SMG1: variants seen among roughly 807,000 people sequenced by gnomAD.
SMG1 encodes SMG1 nonsense mediated mRNA decay associated PI3K related kinase, also known as serine/threonine-protein kinase SMG1.
SMG1 carries 22 observed loss-of-function variants against 419.9 expected under a neutral mutation model. That is an observed-to-expected ratio of 0.05 (90% CI 0.04 to 0.07). The LOEUF (loss-of-function observed/expected upper bound fraction) is 0.07, where lower values mean the gene tolerates loss of function less well. SMG1 is among the 10% of genes least tolerant of loss of function. SMG1 has a pLI of 1.00. For synonymous variants in SMG1, 1,538 were observed against 1,553.5 expected (o/e 0.99, Z 0.23); for missense variants, 3,185 against 4,342.0 (o/e 0.73, Z 7.49).
At chr16:18,845,697 A>C (rs1383704002) in intron 38 of SMG1, 46 bp from the exon 39 acceptor site, 1 of 1,413,072 alleles carries the variant, frequency 7.1e-7, no homozygotes, top group South Asian at 1.2e-5. Flanking sequence ...TGTGTACATT[A>C]AAGTTTTACA....
At chr16:18,843,628 C>T (rs547482747) in intron 39 of SMG1, among the ~76,000 whole-genome samples, 13 of 152,234 alleles carry the variant, frequency 8.5e-5, no homozygotes, top group African/African-American at 3.1e-4. Flanking sequence ...GCTACACAAA[C>T]ACACACACAA....
intron 1 of SMG1, among the ~76,000 whole-genome samples, chr16:18,919,489 T>C (rs1166025983): frequency 6.6e-6 from 1 of 151,666 alleles, no homozygotes; most frequent in Admixed American, 6.6e-5. Context: ...CCAGGCATCA[T>C]AGCGGGCACC....
chr16:18,880,721 A>AAAG (rs760136125), intron 10 of SMG1, among the ~76,000 whole-genome samples: 2 of 63,922 alleles, frequency 3.1e-5, no homozygotes, highest in African/African-American at 1.3e-4. Flanking sequence ...CAAAAAAAAA[A>AAAG]GGGGGGGGGC....
At chr16:18,839,522 C>T (rs897173219) in intron 42 of SMG1, among the ~76,000 whole-genome samples, 176 bp downstream of exon 42, 5 of 152,124 alleles carry the variant, frequency 3.3e-5, no homozygotes, top group South Asian at 2.1e-4. Context: ...ATCCTGCCCT[C>T]GGACACAGTC....
rs961661860 is a variant in SMG1, at chr16:18,811,964, G to A, written c.10785C>T (p.Asp3595=). ...VACSPKKAVR[D]PKTGKAVQER... Reference sequence around the variant, plus strand: ...ACTAATTACCTTTCCCAGTTTTAGGGTCTCTGACTGCCTTTTTAGGACTAC... The same window carrying A: ...ACTAATTACCTTTCCCAGTTTTAGGATCTCTGACTGCCTTTTTAGGACTAC... Residue 3595 remains aspartate (D), a synonymous_variant, in exon 61 of 63, where the codon GAC becomes GAT. Coordinates refer to ENST00000446231, the MANE Select transcript of SMG1 (RefSeq NM_015092.5). The A allele has an allele frequency of 1.2e-6, 2 of 1,613,798 alleles. No homozygotes were observed. The highest frequency in any genetic ancestry group is 8.5e-7 in the Non-Finnish European group (1 of 1,179,836).
intron 30 of SMG1, 41 bp from the exon 31 acceptor site, chr16:18,853,908 G>A: frequency 1.3e-6 from 2 of 1,539,994 alleles, no homozygotes; most frequent in African/African-American, 2.7e-5. Flanking sequence ...ACCTTTAAAA[G>A]CAAATGATGG....
intron 57 of SMG1, 41 bp from the exon 58 acceptor site, chr16:18,816,570 G>A: frequency 6.6e-7 from 1 of 1,522,662 alleles, no homozygotes; most frequent in Non-Finnish European, 9.0e-7. Flanking sequence ...AGTATCAGCT[G>A]AAATAATGAG....
In SMG1 at chr16:18,867,472, C is replaced by T. The variant is rs151185907; in HGVS notation, c.3196-697G>A. Among the ~76,000 whole-genome samples the T allele has an allele frequency of 8.2e-3, 1,243 of 151,012 alleles. 20 individuals are homozygous for T. Among genetic ancestry groups the T allele is most frequent in the African/African-American group, 0.029 (1,173 of 41,094 alleles). On this transcript the variant is annotated intron_variant, in intron 22 of 62. Coordinates refer to ENST00000446231, the MANE Select transcript of SMG1 (RefSeq NM_015092.5). ...CTGAGAGGCAGAGGTTACAGTGAGC[C>T]GAGATCGCACAACTGCACTCCAGCC...
At chr16:18,919,659 C>CAT (rs1205606055) in intron 1 of SMG1, among the ~76,000 whole-genome samples, 434 of 8,030 alleles carry the variant, frequency 0.054, 8 homozygotes, top group Middle Eastern at 0.14. Context: ...TGTATATATA[C>CAT]ACACACACAC....
chr16:18,829,875 T>C, intron 53 of SMG1, 51 bp downstream of exon 53: 1 of 1,460,966 alleles, frequency 6.8e-7, no homozygotes, highest in Non-Finnish European at 9.1e-7. Context: ...TCCTGCCCCC[T>C]TCCATAGTGC....
rs901048126 is a variant in SMG1 at position 18,807,189 on chromosome 16, C to T, written c.*2380G>A. The T allele has an allele frequency of 1.3e-5, 2 of 152,216 alleles. No homozygotes were observed. Among genetic ancestry groups the T allele is most frequent in the African/African-American group, 2.4e-5 (1 of 41,462 alleles). The allele number at this position is 152,216 out of a possible 1,614,324, so 9.4% of individuals were successfully genotyped here. A position where few individuals can be genotyped will look rare whatever the true frequency, so the allele number is the denominator to read the frequency against. ...CAGGCAATAAAATTCACCTATTTAT[C>T]TTCTTTACCAAAGAGAAAGCAATTT... On this transcript the variant is annotated 3_prime_UTR_variant, in exon 63 of 63. Coordinates refer to ENST00000446231, the MANE Select transcript of SMG1 (RefSeq NM_015092.5).
chr16:18,918,669 C>G (rs2038070904), intron 1 of SMG1, among the ~76,000 whole-genome samples: 1 of 151,822 alleles, frequency 6.6e-6, no homozygotes, highest in Admixed American at 6.6e-5. Flanking sequence ...CTGCCTCAGC[C>G]TCCCAAGTAG....
At chr16:18,878,727 GC>G (rs2036255935) in intron 11 of SMG1, 1 of 152,120 alleles carries the variant, frequency 6.6e-6, no homozygotes, top group South Asian at 2.1e-4. Flanking sequence ...AAAAATAGAG[GC>G]CTGGTAGAGT....
At chr16:18,863,074 C>G (rs141052814) in intron 25 of SMG1, among the ~76,000 whole-genome samples, 1 of 152,304 alleles carries the variant, frequency 6.6e-6, no homozygotes, top group African/African-American at 2.4e-5. Flanking sequence ...TTATGTGCTG[C>G]CTGGGTCATA....
chr16:18,864,073 C>G lies in SMG1; in HGVS notation c.3422G>C (p.Ser1141Thr). The change falls in exon 24 of 63, where the codon AGC (serine) becomes ACC (threonine). Residue 1141 changes from serine to threonine, a missense_variant. Ser to Thr is a moderately conservative substitution (Grantham distance 58). Around this residue, in one of 27 missense-constraint regions of SMG1, gnomAD observed 121 missense variants for 125.4 expected, o/e 0.96. Coordinates refer to ENST00000446231, the MANE Select transcript of SMG1 (RefSeq NM_015092.5). ...TAAGGTGAGCACCGATTTGTCAAAG[C>G]TGGAGATGCAGCAATCAACACCTGT... Reference protein sequence around the residue: ...AMTGVDCCISSFDKSVLTLAN... With the variant: ...AMTGVDCCISTFDKSVLTLAN... 6.5e-7 allele frequency: 1 copy of G among 1,549,730 alleles called. No homozygotes were observed. Among genetic ancestry groups the G allele is most frequent in the East Asian group, 2.4e-5 (1 of 40,920 alleles).
intron 25 of SMG1, chr16:18,861,025 G>A (rs370737510): frequency 6.0e-5 from 23 of 382,390 alleles, no homozygotes; most frequent in East Asian, 3.2e-4. Flanking sequence ...GAGCTGACTC[G>A]CCCCTGTGTC....
At chr16:18,874,737 G>T (rs2036012252) in intron 13 of SMG1, among the ~76,000 whole-genome samples, 1 of 150,382 alleles carries the variant, frequency 6.6e-6, no homozygotes, top group Non-Finnish European at 1.5e-5. Context: ...GTAGTGGTAG[G>T]TGTCTGTAAT....
intron 51 of SMG1, 72 bp downstream of exon 51, chr16:18,832,868 A>G: frequency 7.6e-7 from 1 of 1,318,442 alleles, no homozygotes; most frequent in Non-Finnish European, 1.1e-6. Context: ...CTTACGTTAA[A>G]GAGCTCAGAA....
chr16:18,811,928 T>C lies in SMG1; in HGVS notation c.10801+20A>G. The C allele has an allele frequency of 2.5e-6, 4 of 1,613,002 alleles. No homozygotes were observed. The highest frequency in any genetic ancestry group is 3.4e-6 in the Non-Finnish European group (4 of 1,179,538). On this transcript the variant is annotated intron_variant, in intron 61 of 62. Coordinates refer to ENST00000446231, the MANE Select transcript of SMG1 (RefSeq NM_015092.5). ...TCATTTTATATAAAAATTTAAGGCATCTTTATTCTAACTAATTACCTTTCC... is the reference window on the plus strand; with the variant it reads ...TCATTTTATATAAAAATTTAAGGCACCTTTATTCTAACTAATTACCTTTCC...
Sources: allele counts gnomAD v4.1 joint callset (sites outside exome capture counted in the v4.1 genomes callset), GRCh38; gene constraint gnomAD v4.1.1; regional missense constraint gnomAD v4.1.1; transcripts MANE v1.5; gene names NCBI Gene and HGNC (gene_info 2026-07-23, HGNC 2026-07-21).